DSTN: variants seen among roughly 807,000 people sequenced by gnomAD.
DSTN encodes the protein destrin.
A neutral mutation model predicts 16.8 loss-of-function variants in DSTN; 10 were observed. The observed-to-expected ratio is 0.60, with a 90% CI of 0.37 to 1.01. The LOEUF (loss-of-function observed/expected upper bound fraction) is 1.01, where lower values mean the gene tolerates loss of function less well. Ranked by LOEUF, DSTN falls within the 50% of genes least tolerant of loss-of-function variation. DSTN has a pLI of 0.01. For synonymous variants in DSTN, 57 were observed against 58.9 expected, an observed-to-expected ratio of 0.97 and a Z score of 0.14; for missense variants, 141 against 196.7, an observed-to-expected ratio of 0.72 and a Z score of 1.69.
Position 17,573,687 on chromosome 20 carries a change from T to C in DSTN, c.3+3476T>C, listed in dbSNP as rs1323326419. 4.6e-5 allele frequency among the ~76,000 whole-genome samples: 7 copies of C among 152,196 alleles called. 1 individual carries two copies. Among genetic ancestry groups the C allele is most frequent in the Non-Finnish European group, 8.8e-5 (6 of 68,040 alleles). On this transcript the variant is annotated intron_variant, in intron 1 of 3. Coordinates refer to ENST00000246069, the MANE Select transcript of DSTN (RefSeq NM_006870.4). ...TGCCTTTCACCACTTAATAAGAGACTTGAAACCTTTGCCAGTCTGATGGTT... is the reference window on the plus strand; with the variant it reads ...TGCCTTTCACCACTTAATAAGAGACCTGAAACCTTTGCCAGTCTGATGGTT...
chr20:17,601,266 T>G lies in DSTN; in HGVS notation c.311+221T>G, dbSNP rs538998994. Among the ~76,000 whole-genome samples the G allele has an allele frequency of 6.3e-4, 94 of 148,604 alleles. 1 individual carries two copies. In the East Asian group the frequency reaches 0.015, roughly 24 times the overall value. On this transcript the variant is annotated intron_variant, in intron 2 of 3. Transcript: ENST00000246069. ...CTTGTTATGTGACTCTCCGTTTTTG[T>G]TTTTTTTTTCAATGGGGAAAGGACA... is the stretch of plus-strand genomic sequence containing the variant.
intron 1 of DSTN, among the ~76,000 whole-genome samples, chr20:17,575,513 G>C (rs936788611): frequency 6.6e-6 from 1 of 151,308 alleles, no homozygotes; most frequent in Non-Finnish European, 1.5e-5. Context: ...ACCTAGGCTG[G>C]AGTGCAGGGG....
chr20:17,601,874 G>A (rs948837007), intron 2 of DSTN, among the ~76,000 whole-genome samples: 7 of 151,920 alleles, frequency 4.6e-5, no homozygotes, highest in African/African-American at 1.7e-4. Flanking sequence ...TCCTTGATAT[G>A]GCCAGGAGTA....
At chr20:17,605,254 G>A in intron 3 of DSTN, 1 of 444,854 alleles carries the variant, frequency 2.2e-6, no homozygotes, top group South Asian at 1.6e-5. Flanking sequence ...AGTGCCCAAA[G>A]GCCTGCACTG....
At chr20:17,591,187 A>C (rs1160022217) in intron 1 of DSTN, among the ~76,000 whole-genome samples, 1 of 152,218 alleles carries the variant, frequency 6.6e-6, no homozygotes, top group Non-Finnish European at 1.5e-5. Flanking sequence ...AAAGATAATA[A>C]ATATCTGTAA....
chr20:17,595,910 G>T (rs1324593976), intron 1 of DSTN, among the ~76,000 whole-genome samples: 1 of 152,034 alleles, frequency 6.6e-6, no homozygotes, highest in Non-Finnish European at 1.5e-5. Context: ...AAGACAACTT[G>T]CATGAAGTAC....
At chr20:17,585,676 C>A (rs538234496) in intron 1 of DSTN, among the ~76,000 whole-genome samples, 23 of 152,216 alleles carry the variant, frequency 1.5e-4, no homozygotes, top group African/African-American at 5.5e-4. Context: ...TATATACATA[C>A]ACATATATAG....
chr20:17,595,258 TTAG>T (rs1300320560), intron 1 of DSTN, among the ~76,000 whole-genome samples: 3 of 152,154 alleles, frequency 2.0e-5, no homozygotes, highest in African/African-American at 7.2e-5. Context: ...TTCTGAATTG[TTAG>T]TAGTAGTAGA....
At chr20:17,581,500 A>G (rs1421575946) in intron 1 of DSTN, among the ~76,000 whole-genome samples, 1 of 152,128 alleles carries the variant, frequency 6.6e-6, no homozygotes, top group Non-Finnish European at 1.5e-5. Flanking sequence ...ACAAACAACA[A>G]CACAACCAAC....
At chr20:17,601,154 T>G (rs1483661160) in intron 2 of DSTN, 109 bp downstream of exon 2, 3 of 1,333,826 alleles carry the variant, frequency 2.2e-6, no homozygotes, top group African/African-American at 1.5e-5. Context: ...GCAGTTGTTG[T>G]CATTTAATTT....
intron 1 of DSTN, 76 bp from the exon 2 acceptor site, chr20:17,600,662 A>T (rs1341638496): frequency 7.0e-7 from 1 of 1,422,092 alleles, no homozygotes; most frequent in Admixed American, 2.8e-5. Context: ...ATGCCAATCT[A>T]TAAGCAGAAT....
At position 17,583,735 on chromosome 20, in the gene DSTN, C is replaced by CTTTTTTTTTTT. The variant is rs71192397; in HGVS notation, c.3+13537_3+13547dup. ...ATGACTGCTAATGGGTTTGGAGTTT[C>CTTTTTTTTTTT]TTTTTTTTTTTTTTTTTTTTTTTGA... On this transcript the variant is annotated intron_variant, in intron 1 of 3. Coordinates refer to ENST00000246069, the MANE Select transcript of DSTN (RefSeq NM_006870.4). 8.4e-3 allele frequency among the ~76,000 whole-genome samples: 611 copies of CTTTTTTTTTTT among 72,492 alleles called. 149 individuals are homozygous for CTTTTTTTTTTT. The highest frequency in any genetic ancestry group is 0.011 in the Non-Finnish European group (478 of 42,478). The allele number at this position is 72,492 out of a possible 152,430, so 47.6% of individuals were successfully genotyped here.
intron 1 of DSTN, among the ~76,000 whole-genome samples, chr20:17,578,243 T>TTTA (rs2035301425): frequency 6.6e-6 from 1 of 152,222 alleles, no homozygotes; most frequent in Non-Finnish European, 1.5e-5. Flanking sequence ...AGTAGCAAGA[T>TTTA]ACCACTCTCA....
chr20:17,589,662 A>T (rs935395754), intron 1 of DSTN, among the ~76,000 whole-genome samples: 1 of 152,216 alleles, frequency 6.6e-6, no homozygotes, highest in Non-Finnish European at 1.5e-5. Context: ...TTTTGTCATT[A>T]GTCATTCTGT....
chr20:17,591,568 T>G (rs888447614), intron 1 of DSTN, among the ~76,000 whole-genome samples: 2 of 152,250 alleles, frequency 1.3e-5, no homozygotes, highest in African/African-American at 4.8e-5. Flanking sequence ...TTTTATTCTC[T>G]TTCATGAAAT....
chr20:17,578,810 A>G (rs572254156), intron 1 of DSTN, among the ~76,000 whole-genome samples: 1 of 152,156 alleles, frequency 6.6e-6, no homozygotes, highest in Non-Finnish European at 1.5e-5. Flanking sequence ...AAAAATACAA[A>G]ATTAGCCGGG....
chr20:17,586,259 C>CA (rs1311539033), intron 1 of DSTN, among the ~76,000 whole-genome samples: 1 of 152,044 alleles, frequency 6.6e-6, no homozygotes, highest in African/African-American at 2.4e-5. Flanking sequence ...ACAGGGAAAC[C>CA]AAAAAATTTG....
chr20:17,588,276 C>T (rs1188835481), intron 1 of DSTN, among the ~76,000 whole-genome samples: 1 of 152,100 alleles, frequency 6.6e-6, no homozygotes, highest in Non-Finnish European at 1.5e-5. Flanking sequence ...TCCTGGAATC[C>T]CCTGTTTGAG....
intron 1 of DSTN, among the ~76,000 whole-genome samples, chr20:17,574,705 G>C (rs1384853480): frequency 8.9e-6 from 1 of 112,750 alleles, no homozygotes; most frequent in Non-Finnish European, 1.6e-5. Flanking sequence ...CAGCCTGGGT[G>C]ACAGAGCGAG....
Sources: allele counts gnomAD v4.1 joint callset (sites outside exome capture counted in the v4.1 genomes callset), GRCh38; gene constraint gnomAD v4.1.1; transcripts MANE v1.5; gene names NCBI Gene and HGNC (gene_info 2026-07-23, HGNC 2026-07-21).